ZNF638: variants seen among roughly 807,000 people sequenced by gnomAD.
ZNF638 encodes the protein CTCL tumor antigen se33-1.
A neutral mutation model predicts 195.6 loss-of-function variants in ZNF638; 46 were observed. The ratio of observed to expected loss-of-function variants is 0.24; its 90% CI spans 0.19 to 0.30. The LOEUF (loss-of-function observed/expected upper bound fraction) is 0.30, where lower values mean the gene tolerates loss of function less well. ZNF638 is among the 10% of genes least tolerant of loss of function. ZNF638 has a pLI of 1.00. For missense variants in ZNF638, 2,440 were observed against 2,325.3 expected (o/e 1.05, Z -1.01); for synonymous variants, 845 against 772.0 (o/e 1.09, Z -1.57).
intron 15 of ZNF638, 62 bp downstream of exon 15, chr2:71,400,580 T>C (rs2079986804): frequency 7.0e-7 from 1 of 1,433,076 alleles, no homozygotes; most frequent in South Asian, 1.3e-5. Context: ...AAGATATTTT[T>C]CTTATAAACC....
chr2:71,403,059 G>A (rs947498879), intron 16 of ZNF638, among the ~76,000 whole-genome samples: 2 of 152,044 alleles, frequency 1.3e-5, no homozygotes, highest in Admixed American at 1.3e-4. Context: ...TAAGTTATGT[G>A]CCCAGTTTTG....
At chr2:71,408,062 G>A (rs1049203154) in intron 19 of ZNF638, 60 bp from the exon 20 acceptor site, 4 of 1,506,298 alleles carry the variant, frequency 2.7e-6, no homozygotes, top group African/African-American at 2.8e-5. Context: ...TGGATTATGT[G>A]GTTATTCTAA....
chr2:71,418,927 T>G (rs1042981131), intron 21 of ZNF638, among the ~76,000 whole-genome samples: 3 of 152,232 alleles, frequency 2.0e-5, no homozygotes, highest in Non-Finnish European at 2.9e-5. Context: ...TTTAAGACTC[T>G]CGAATAACTC....
At position 71,350,101 on chromosome 2, in the gene ZNF638, T is replaced by A; in HGVS notation, c.1147T>A (p.Ser383Thr). Reference sequence around the variant, plus strand: ...GTCACAGGCTGACATTCCCATTCGGTCTCCCTTTGGTATTGTGAAAGCATC... The same window carrying A: ...GTCACAGGCTGACATTCCCATTCGGACTCCCTTTGGTATTGTGAAAGCATC... ...YQSQADIPIR[S>T]PFGIVKASWL... The change falls in exon 2 of 28, where the codon TCT becomes ACT. Residue 383 changes from serine (S) to threonine (T), a missense_variant. Ser to Thr is a moderately conservative substitution (Grantham distance 58, BLOSUM62 1). Around this residue, in one of 5 missense-constraint regions of ZNF638, gnomAD observed 305 missense variants for 283.6 expected, o/e 1.08. Transcript: ENST00000264447. 1 of 1,614,154 alleles carries A rather than the reference T, an allele frequency of 6.2e-7. No individual in the cohort carries two copies. Among genetic ancestry groups the A allele is most frequent in the Non-Finnish European group, 8.5e-7 (1 of 1,180,028 alleles).
intron 6 of ZNF638, among the ~76,000 whole-genome samples, chr2:71,367,076 A>G (rs986515005): frequency 2.0e-5 from 3 of 152,152 alleles, no homozygotes; most frequent in African/African-American, 7.2e-5. Context: ...TACATTTAGA[A>G]GGATAAACTT....
intron 24 of ZNF638, 147 bp downstream of exon 24, chr2:71,427,561 T>C: frequency 1.8e-6 from 1 of 558,642 alleles, no homozygotes; most frequent in East Asian, 3.3e-5. Flanking sequence ...CAATAAATTT[T>C]CCAAAGAAAT....
rs532160184 is a variant in ZNF638 at position 71,383,893 on chromosome 2, T to C, written c.2377+3328T>C. Among the ~76,000 whole-genome samples, 760 of 150,904 alleles carry C rather than the reference T, an allele frequency of 5.0e-3. 4 individuals carry two copies. Among genetic ancestry groups the C allele is most frequent in the African/African-American group, 0.018 (729 of 41,002 alleles). On this transcript the variant is annotated intron_variant, in intron 10 of 27. Transcript: ENST00000264447. ...CTGGGATTACAGGTGTGAGCCACCA[T>C]GCCTGGCCCTCTTCCTGGGTGATTT...
rs772354948 is a variant in ZNF638 at position 71,400,450 on chromosome 2, A to G, written c.2657-28A>G. ...GTAGGATCTTGATAAGTATGTCTGCATTGTTTTTAATTTTATTTTGTATTA... is the reference window on the plus strand; with the variant it reads ...GTAGGATCTTGATAAGTATGTCTGCGTTGTTTTTAATTTTATTTTGTATTA... On this transcript the variant is annotated intron_variant, in intron 14 of 27. Coordinates refer to ENST00000264447, the MANE Select transcript of ZNF638 (RefSeq NM_014497.5). 21 of 1,591,380 alleles carry G rather than the reference A, an allele frequency of 1.3e-5. No individual in the cohort carries two copies. The East Asian group carries it at 1.8e-4, about 14-fold the overall frequency.
intron 8 of ZNF638, chr2:71,379,734 T>C (rs1350797402): frequency 6.6e-6 from 1 of 152,318 alleles, no homozygotes; most frequent in East Asian, 1.9e-4. Flanking sequence ...CACTATATTC[T>C]TACAACTTAT....
chr2:71,400,435 G>T (rs748865646), intron 14 of ZNF638, 43 bp from the exon 15 acceptor site: 1 of 1,569,758 alleles, frequency 6.4e-7, no homozygotes, highest in Non-Finnish European at 8.6e-7. Context: ...GTAGGATCTT[G>T]ATAAGTATGT....
intron 3 of ZNF638, among the ~76,000 whole-genome samples, chr2:71,362,348 T>G (rs2079124294): frequency 1.3e-5 from 2 of 152,308 alleles, no homozygotes; most frequent in South Asian, 4.1e-4. Context: ...ATATCTCAGC[T>G]CTCATCTTTT....
chr2:71,388,548 G>C, intron 10 of ZNF638: 1 of 732,810 alleles, frequency 1.4e-6, no homozygotes, highest in South Asian at 1.4e-5. Context: ...GCGTCTCTAA[G>C]GCCGAGCAGT....
chr2:71,333,938 A>G lies in ZNF638; in HGVS notation c.-203+2063A>G, dbSNP rs574250542. Among the ~76,000 whole-genome samples, 130 of 152,356 alleles carry G rather than the reference A, an allele frequency of 8.5e-4. 2 individuals are homozygous for G. Among genetic ancestry groups the G allele is most frequent in the African/African-American group, 3.0e-3 (125 of 41,580 alleles). ...AGGCAGCATTGTTTGATAGAAAATT[A>G]TAATCTGTGGGTATTCTCTTCTAAT... On this transcript the variant is annotated intron_variant, in intron 1 of 27. Transcript: ENST00000264447.
At chr2:71,387,430 G>GAA (rs2079665026) in intron 10 of ZNF638, among the ~76,000 whole-genome samples, 2 of 151,906 alleles carry the variant, frequency 1.3e-5, no homozygotes, top group African/African-American at 4.8e-5. Flanking sequence ...CAGCACTTTC[G>GAA]GAGGCCAAGG....
rs2080467588 is a variant in ZNF638 at position 71,423,169 on chromosome 2, C to G, written c.3655C>G (p.Pro1219Ala). Residue 1219 changes from proline to alanine, a missense_variant, in exon 22 of 28, where the codon CCT becomes GCT. Physicochemically the swap from Pro to Ala is conservative, Grantham distance 27. Coordinates refer to ENST00000264447, the MANE Select transcript of ZNF638 (RefSeq NM_014497.5). Reference protein sequence around the residue: ...LEKKGAEIINPKTALLPSDSV... With the variant: ...LEKKGAEIINAKTALLPSDSV... Reference sequence around the variant, plus strand: ...GAAGAAAGGGGCAGAAATTATTAACCCTAAAACAGCATTGTTACCATCTGA... The same window carrying G: ...GAAGAAAGGGGCAGAAATTATTAACGCTAAAACAGCATTGTTACCATCTGA... 2 of 1,613,880 alleles carry G rather than the reference C, an allele frequency of 1.2e-6. No homozygotes were observed. The highest frequency in any genetic ancestry group is 1.7e-6 in the Non-Finnish European group (2 of 1,179,972).
chr2:71,345,396 A>T (rs2078833507), intron 1 of ZNF638, among the ~76,000 whole-genome samples: 1 of 152,116 alleles, frequency 6.6e-6, no homozygotes, highest in African/African-American at 2.4e-5. Flanking sequence ...CAGATATTTT[A>T]TTTATATGAA....
intron 10 of ZNF638, among the ~76,000 whole-genome samples, chr2:71,389,839 C>T (rs2079733505): frequency 6.6e-6 from 1 of 152,170 alleles, no homozygotes; most frequent in African/African-American, 2.4e-5. Context: ...TTGCAGTTGG[C>T]TTATGAAAAT....
chr2:71,399,524 ACCTT>A (rs1385648000), intron 12 of ZNF638, 31 bp from the exon 13 acceptor site: 1 of 1,448,910 alleles, frequency 6.9e-7, no homozygotes, highest in Non-Finnish European at 9.6e-7. Flanking sequence ...ATTTAACAAG[ACCTT>A]TAGAATAATG....
chr2:71,431,759 C>CAAAA (rs67530729), intron 26 of ZNF638, among the ~76,000 whole-genome samples: 56 of 102,222 alleles, frequency 5.5e-4, no homozygotes, highest in African/African-American at 1.9e-3. Context: ...GACTCCGTCT[C>CAAAA]AAAAAAAAAA....
Sources: allele counts gnomAD v4.1 joint callset (sites outside exome capture counted in the v4.1 genomes callset), GRCh38; gene constraint gnomAD v4.1.1; regional missense constraint gnomAD v4.1.1; transcripts MANE v1.5; gene names NCBI Gene and HGNC (gene_info 2026-07-23, HGNC 2026-07-21).